E2F8: variants seen among roughly 807,000 people sequenced by gnomAD.
The protein encoded by E2F8 is E2F transcription factor 8.
E2F8 carries 35 observed loss-of-function variants against 80.8 expected under a neutral mutation model. The observed-to-expected ratio is 0.43, with a 90% confidence interval of 0.33 to 0.57. E2F8 has a LOEUF of 0.57. Among genes scored for constraint, E2F8 ranks in the 20% least tolerant of loss-of-function variants. E2F8 has a pLI of 0.04. For synonymous variants in E2F8, 386 were observed against 395.0 expected, an observed-to-expected ratio of 0.98 and a Z score of 0.27; for missense variants, 975 against 1,056.2, an observed-to-expected ratio of 0.92 and a Z score of 1.07.
chr11:19,239,232 G>C (rs1213034749), intron 2 of E2F8, among the ~76,000 whole-genome samples: 1 of 152,172 alleles, frequency 6.6e-6, no homozygotes, highest in East Asian at 1.9e-4. Context: ...TGCAGGCTGA[G>C]AGAGGTCACG....
In E2F8 at chr11:19,224,720, A is replaced by T; in HGVS notation, c.2542T>A (p.Ser848Thr). ...CMDFEGANKT[S>T]LGTLFVPQRK... ...TGTGGGACAAAGAGAGTTCCTAAGG[A>T]GGTTTTATTAGCACCCTCAAAATCC... The change falls in exon 13 of 13, where the codon TCC becomes ACC. Residue 848 changes from serine (S) to threonine (T), a missense_variant. By Grantham distance (58) the Ser-to-Thr change is moderately conservative. Coordinates refer to ENST00000250024, the MANE Select transcript of E2F8 (RefSeq NM_024680.4). 1 of 1,614,128 alleles carries T rather than the reference A, an allele frequency of 6.2e-7. No homozygotes were observed. Among genetic ancestry groups the T allele is most frequent in the Non-Finnish European group, 8.5e-7 (1 of 1,180,038 alleles).
intron 4 of E2F8, among the ~76,000 whole-genome samples, chr11:19,237,030 G>C (rs1425732236): frequency 6.6e-6 from 1 of 152,202 alleles, no homozygotes; most frequent in Non-Finnish European, 1.5e-5. Flanking sequence ...TTGTAACTTT[G>C]TGAAACAAGT....
chr11:19,237,527 TA>T, intron 3 of E2F8, 57 bp from the exon 4 acceptor site: 1 of 1,557,228 alleles, frequency 6.4e-7, no homozygotes, highest in South Asian at 1.2e-5. Context: ...ACAGATTTAT[TA>T]GGGGCATCTG....
chr11:19,229,933 C>T lies in E2F8; in HGVS notation c.1414G>A (p.Val472Ile). 6.2e-7 allele frequency: 1 copy of T among 1,614,032 alleles called. No homozygotes were observed. The highest frequency in any genetic ancestry group is 8.5e-7 in the Non-Finnish European group (1 of 1,180,000). The change falls in exon 10 of 13, where the codon GTA (valine) becomes ATA (isoleucine). Residue 472 changes from valine (V) to isoleucine (I), a missense_variant. Physicochemically the swap from Val to Ile is conservative, Grantham distance 29. Coordinates refer to ENST00000250024, the MANE Select transcript of E2F8 (RefSeq NM_024680.4). The surrounding 1 kb of genome is among the most constrained non-coding windows in gnomAD (Gnocchi z 4.3). ...TTCACTGGGGGGTCCAGAGGGGCTA[C>T]TGGTTTGCAGGGTCCAGATCTTGCC... ...QLARSGPCKP[V>I]APLDPPVNAE...
At chr11:19,235,666 CAA>C (rs57848611) in intron 4 of E2F8, among the ~76,000 whole-genome samples, 45 of 147,552 alleles carry the variant, frequency 3.0e-4, no homozygotes, top group Middle Eastern at 3.5e-3. Flanking sequence ...AACAAACAAA[CAA>C]AAAAAAAAAA....
At chr11:19,237,519 A>T (rs1256128562) in intron 3 of E2F8, 49 bp from the exon 4 acceptor site, 1 of 1,572,290 alleles carries the variant, frequency 6.4e-7, no homozygotes, top group East Asian at 2.2e-5. Context: ...AAAGTCTGAC[A>T]GATTTATTAG....
upstream of E2F8, among the ~76,000 whole-genome samples, chr11:19,241,174 C>A (rs554382622): frequency 6.6e-6 from 1 of 152,216 alleles, no homozygotes; most frequent in African/African-American, 2.4e-5. This position sits in a 1 kb window ranked among gnomAD's most constrained non-coding sequence, Gnocchi z 4.5. Context: ...GCCGGCGCCT[C>A]CCCTTAGCTG....
chr11:19,229,919 G>T lies in E2F8; in HGVS notation c.1428C>A (p.Asp476Glu). Residue 476 changes from aspartate (D) to glutamate (E), a missense_variant, in exon 10 of 13, where the codon GAC becomes GAA. Coordinates refer to ENST00000250024, the MANE Select transcript of E2F8 (RefSeq NM_024680.4). This position sits in a 1 kb window ranked among gnomAD's most constrained non-coding sequence, Gnocchi z 4.3. The stretch of plus-strand genomic sequence containing the variant: ...GCTCCATCTCAGCATTCACTGGGGG[G>T]TCCAGAGGGGCTACTGGTTTGCAGG... Reference protein sequence around the residue: ...SGPCKPVAPLDPPVNAEMELT... With the variant: ...SGPCKPVAPLEPPVNAEMELT... 3 of 1,614,032 alleles carry T rather than the reference G, an allele frequency of 1.9e-6. No individual in the cohort carries two copies. The highest frequency in any genetic ancestry group is 1.7e-6 in the Non-Finnish European group (2 of 1,180,010).
In E2F8 at chr11:19,240,822, C is replaced by T. The variant is rs1182379153; in HGVS notation, c.-384G>A. The stretch of plus-strand genomic sequence containing the variant: ...TTAAAAAAGGGCTTCCTTAAAGATA[C>T]AAAGCACTATTTACTCCCTGTTCGG... On this transcript the variant is annotated 5_prime_UTR_variant, in exon 1 of 13. Transcript: ENST00000250024. 2 of 152,260 alleles carry T rather than the reference C, an allele frequency of 1.3e-5. No individual in the cohort carries two copies. Among genetic ancestry groups the T allele is most frequent in the Non-Finnish European group, 2.9e-5 (2 of 68,034 alleles). The allele number at this position is 152,260 out of a possible 1,614,324, so 9.4% of individuals were successfully genotyped here.
chr11:19,229,362 G>A lies in E2F8; in HGVS notation c.1893+92C>T. On this transcript the variant is annotated intron_variant, in intron 10 of 12. Transcript: ENST00000250024. The surrounding 1 kb of genome is among the most constrained non-coding windows in gnomAD (Gnocchi z 4.3). Reference sequence around the variant, plus strand: ...AGGAACAGTTCCTTGTCTTCTGAGAGAATGCTCTTCGGTAAATTTCACAAG... The same window carrying A: ...AGGAACAGTTCCTTGTCTTCTGAGAAAATGCTCTTCGGTAAATTTCACAAG... 6.7e-7 allele frequency: 1 copy of A among 1,487,812 alleles called. No individual in the cohort carries two copies. The highest frequency in any genetic ancestry group is 9.0e-7 in the Non-Finnish European group (1 of 1,106,950). The allele number at this position is 1,487,812 out of a possible 1,614,324, so 92.2% of individuals were successfully genotyped here.
intron 7 of E2F8, 52 bp from the exon 8 acceptor site, chr11:19,230,886 T>C: frequency 6.4e-7 from 1 of 1,558,608 alleles, no homozygotes; most frequent in East Asian, 2.3e-5. Flanking sequence ...AGTTGGCTTT[T>C]GGGATATGAA....
In E2F8 at chr11:19,236,495, C is replaced by T. The variant is rs898903270; in HGVS notation, c.451+819G>A. Reference sequence around the variant, plus strand: ...TTGTTTACGGATGTATCCCAGGCTCCTACAACATTGCCTGACACATAGTAG... The same window carrying T: ...TTGTTTACGGATGTATCCCAGGCTCTTACAACATTGCCTGACACATAGTAG... On this transcript the variant is annotated intron_variant, in intron 4 of 12. Coordinates refer to ENST00000250024, the MANE Select transcript of E2F8 (RefSeq NM_024680.4). Among the ~76,000 whole-genome samples the T allele has an allele frequency of 2.4e-4, 37 of 152,250 alleles. 2 individuals are homozygous for T. The highest frequency in any genetic ancestry group is 2.0e-3 in the Admixed American group (31 of 15,296).
chr11:19,236,981 A>T (rs1225249041), intron 4 of E2F8, among the ~76,000 whole-genome samples: 2 of 152,248 alleles, frequency 1.3e-5, no homozygotes, highest in East Asian at 3.8e-4. Flanking sequence ...CTGATTCTTC[A>T]AGAACAGCAA....
At chr11:19,226,609 A>G (rs963259270) in intron 10 of E2F8, among the ~76,000 whole-genome samples, 1 of 152,226 alleles carries the variant, frequency 6.6e-6, no homozygotes, top group Non-Finnish European at 1.5e-5. Flanking sequence ...TTGGAACACA[A>G]TCATACTCAT....
rs374395103 is a variant in E2F8 at position 19,229,613 on chromosome 11, C to A, written c.1734G>T (p.Arg578Ser). ...CTGGTGCTGGCAGCAAGCTTCCAGG[C>A]CTGGTAGAGGCACTGGCCTTTGAGG... The part of the protein sequence containing the change: ...NDTSKASAST[R>S]PGSLLPAPER... Residue 578 changes from arginine (R) to serine (S), a missense_variant, in exon 10 of 13, where the codon AGG (arginine) becomes AGT (serine). By Grantham distance (110) the Arg-to-Ser change is moderately radical (BLOSUM62 -1). Coordinates refer to ENST00000250024, the MANE Select transcript of E2F8 (RefSeq NM_024680.4). This position sits in a 1 kb window ranked among gnomAD's most constrained non-coding sequence, Gnocchi z 4.3. 1.6e-4 allele frequency: 257 copies of A among 1,614,056 alleles called. No homozygotes were observed. Among genetic ancestry groups the A allele is most frequent in the Non-Finnish European group, 2.1e-4 (252 of 1,180,044 alleles).
rs1851621103 is a variant in E2F8, at chr11:19,240,112, C to T, written c.10G>A (p.Glu4Lys). Reference sequence around the variant, plus strand: ...ATACTGAAGTTATAAAGTACCTTTTCGTTCTCCATTCTGTAAATTCCTCAT... The same window carrying T: ...ATACTGAAGTTATAAAGTACCTTTTTGTTCTCCATTCTGTAAATTCCTCAT... MEN[E>K]KENLFCEPHK... The change falls in exon 2 of 13, where the codon GAA (glutamate) becomes AAA (lysine). Residue 4 changes from glutamate (E) to lysine (K), a missense_variant. Glu to Lys is a moderately conservative substitution (Grantham distance 56). Coordinates refer to ENST00000250024, the MANE Select transcript of E2F8 (RefSeq NM_024680.4). 3 of 1,528,104 alleles carry T rather than the reference C, an allele frequency of 2.0e-6. No homozygotes were observed. The highest frequency in any genetic ancestry group is 1.3e-5 in the South Asian group (1 of 77,978). The allele number at this position is 1,528,104 out of a possible 1,614,324, so 94.7% of individuals were successfully genotyped here.
chr11:19,237,494 G>A (rs369850061), intron 3 of E2F8, 24 bp from the exon 4 acceptor site: 1 of 1,604,040 alleles, frequency 6.2e-7, no homozygotes, highest in Non-Finnish European at 8.5e-7. Context: ...GGTAAACAAT[G>A]TCTTATTCTA....
chr11:19,225,008 G>A (rs371499092), intron 12 of E2F8, 168 bp from the exon 13 acceptor site: 2 of 1,117,894 alleles, frequency 1.8e-6, no homozygotes, highest in East Asian at 2.4e-5. Context: ...AATTATTTTT[G>A]TTAGGGGAGA....
In E2F8 at chr11:19,230,235, A is replaced by G. The variant is rs779396592; in HGVS notation, c.1358+6T>C. 13 of 1,609,036 alleles carry G rather than the reference A, an allele frequency of 8.1e-6. No individual in the cohort carries two copies. In the Admixed American group the frequency reaches 1.2e-4, roughly 15 times the overall value. On this transcript the variant is annotated splice_donor_region_variant and intron_variant, in intron 9 of 12. Coordinates refer to ENST00000250024, the MANE Select transcript of E2F8 (RefSeq NM_024680.4). ...ATCCTGTTATTAAAGAGGATTGCCAACCTACCTTGATTGCTCTTCTAACTG... is the reference window on the plus strand; with the variant it reads ...ATCCTGTTATTAAAGAGGATTGCCAGCCTACCTTGATTGCTCTTCTAACTG...
Sources: allele counts gnomAD v4.1 joint callset (sites outside exome capture counted in the v4.1 genomes callset), GRCh38; gene constraint gnomAD v4.1.1; non-coding constraint Gnocchi (gnomAD v3.1); transcripts MANE v1.5; gene names NCBI Gene and HGNC (gene_info 2026-07-23, HGNC 2026-07-21).